The following RAB3IL1 variants were observed in gnomAD, a reference collection of about 807,000 sequenced individuals.
RAB3IL1 encodes RAB3A interacting protein like 1.
Under a neutral mutation model 49.2 loss-of-function variants are expected in RAB3IL1, and 37 were observed. The observed-to-expected ratio is 0.75, with a 90% CI of 0.58 to 0.99. RAB3IL1 has a LOEUF of 0.99. Ranked by LOEUF, RAB3IL1 falls within the 50% of genes least tolerant of loss-of-function variation. The probability of loss-of-function intolerance (pLI) is 0.00; values close to 1 mark genes in which losing one functional copy is unlikely to be tolerated. For missense variants in RAB3IL1, 484 were observed against 513.0 expected (o/e 0.94, Z 0.55); for synonymous variants, 193 against 213.9 (o/e 0.90, Z 0.85).
At chr11:61,900,794 A>G (rs1369092021) in intron 8 of RAB3IL1, among the ~76,000 whole-genome samples, 1 of 152,224 alleles carries the variant, frequency 6.6e-6, no homozygotes, top group African/African-American at 2.4e-5. Flanking sequence ...CCAGTGCAGC[A>G]GGACACCCAG....
At chr11:61,939,128 T>C in the RAB3IL1 span, among the ~76,000 whole-genome samples, 1 of 151,848 alleles carries the variant, frequency 6.6e-6, no homozygotes, top group African/African-American at 2.4e-5. Flanking sequence ...ATAGACCATA[T>C]GTTAGACCAC....
At chr11:61,903,076 C>A (rs953490767) in intron 7 of RAB3IL1, among the ~76,000 whole-genome samples, 1 of 152,094 alleles carries the variant, frequency 6.6e-6, no homozygotes, top group Non-Finnish European at 1.5e-5. Flanking sequence ...TCCTGCATGA[C>A]GTCGCTCAGC....
rs755189514 is a variant in RAB3IL1, at chr11:61,898,252, G to A, written c.*26C>T. ...GGGTGGGTGTTTGCTCTGTCTCAGA[G>A]CTCCCCTTCAGGCCTGGGCCGCGCC... On this transcript the variant is annotated 3_prime_UTR_variant, in exon 10 of 10. Transcript: ENST00000394836. This position sits in a 1 kb window ranked among gnomAD's most constrained non-coding sequence, Gnocchi z 5.1. 2 of 1,604,800 alleles carry A rather than the reference G, an allele frequency of 1.2e-6. No homozygotes were observed. Among genetic ancestry groups the A allele is most frequent in the Non-Finnish European group, 1.7e-6 (2 of 1,175,228 alleles).
chr11:61,913,524 A>G (rs1185208027), intron 1 of RAB3IL1, among the ~76,000 whole-genome samples: 1 of 152,148 alleles, frequency 6.6e-6, no homozygotes, highest in Non-Finnish European at 1.5e-5. Context: ...GCCCCAGGCC[A>G]CCAGGCCAGT....
At chr11:61,932,746 C>T in the RAB3IL1 span, among the ~76,000 whole-genome samples, 2 of 150,222 alleles carry the variant, frequency 1.3e-5, no homozygotes, top group African/African-American at 4.9e-5. Context: ...CAAGACTTAC[C>T]TTATTTTATG....
At chr11:61,923,773 A>AGC (rs978326426), upstream of RAB3IL1, among the ~76,000 whole-genome samples, 2 of 152,152 alleles carry the variant, frequency 1.3e-5, no homozygotes, top group African/African-American at 2.4e-5. Flanking sequence ...GTGTTTGGAC[A>AGC]GCGCGGATGG....
At chr11:61,932,728 A>G in the RAB3IL1 span, among the ~76,000 whole-genome samples, 1 of 151,546 alleles carries the variant, frequency 6.6e-6, no homozygotes, top group Non-Finnish European at 1.5e-5. Flanking sequence ...TTAACTCAAC[A>G]TTATATCCAA....
chr11:61,929,342 T>C, the RAB3IL1 span, among the ~76,000 whole-genome samples: 2 of 151,906 alleles, frequency 1.3e-5, no homozygotes, highest in Non-Finnish European at 2.9e-5. Context: ...CTGTCTCTGC[T>C]ACAAACACAA....
At chr11:61,902,566 G>C (rs760432020) in intron 7 of RAB3IL1, 25 bp from the exon 8 acceptor site, 4 of 1,568,778 alleles carry the variant, frequency 2.5e-6, no homozygotes. Context: ...AATGGGTCAC[G>C]GGGGCTGGCT....
Position 61,906,905 on chromosome 11 carries a change from CT to C in RAB3IL1, c.439-222del, listed in dbSNP as rs1939221465. On this transcript the variant is annotated intron_variant, in intron 4 of 9. Transcript: ENST00000394836. The surrounding 1 kb of genome is among the most constrained non-coding windows in gnomAD (Gnocchi z 4.6). ...GCGACATGGCCTGCCCAAGGTCACT[CT>C]GTGAGCAGGATTCTGTTAGGAACAA... 6.6e-6 allele frequency among the ~76,000 whole-genome samples: 1 copy of C among 152,228 alleles called. No homozygotes were observed. The highest frequency in any genetic ancestry group is 1.5e-5 in the Non-Finnish European group (1 of 68,038).
intron 1 of RAB3IL1, among the ~76,000 whole-genome samples, chr11:61,913,755 C>G (rs1225264441): frequency 6.6e-6 from 1 of 152,226 alleles, no homozygotes; most frequent in Non-Finnish European, 1.5e-5. Context: ...AGGCACCCCA[C>G]CAGCCATGAT....
chr11:61,928,814 T>C, the RAB3IL1 span, among the ~76,000 whole-genome samples: 1,594 of 152,330 alleles, frequency 0.01, 34 homozygotes, highest in African/African-American at 0.036. Context: ...TATCAAGCAG[T>C]GAGCTCACAA....
Position 61,906,587 on chromosome 11 carries a change from C to A in RAB3IL1, c.536G>T (p.Ser179Ile), listed in dbSNP as rs780299515. 1 of 1,608,558 alleles carries A rather than the reference C, an allele frequency of 6.2e-7. No homozygotes were observed. Among genetic ancestry groups the A allele is most frequent in the Non-Finnish European group, 8.5e-7 (1 of 1,177,866 alleles). Residue 179 changes from serine to isoleucine, a missense_variant, in exon 5 of 10, where the codon AGC becomes ATC. By Grantham distance (142) the Ser-to-Ile change is moderately radical. Transcript: ENST00000394836. The surrounding 1 kb of genome is among the most constrained non-coding windows in gnomAD (Gnocchi z 4.6). ...CTTTCGGGGCCCGGCCTTGGTGGGGCTCAGCAGCTGGGGGTGAAGCTCGCG... is the reference window on the plus strand; with the variant it reads ...CTTTCGGGGCCCGGCCTTGGTGGGGATCAGCAGCTGGGGGTGAAGCTCGCG... Reference protein sequence around the residue: ...PNRELHPQLLSPTKAGPRKGH... With the variant: ...PNRELHPQLLIPTKAGPRKGH...
the RAB3IL1 span, among the ~76,000 whole-genome samples, chr11:61,944,993 A>C: frequency 6.6e-6 from 1 of 152,044 alleles, no homozygotes; most frequent in African/African-American, 2.4e-5. Context: ...GAGCCACCAC[A>C]CCTGGCCTGG....
rs1939301353 is a variant in RAB3IL1, at chr11:61,908,216, C to T, written c.102G>A (p.Glu34=). Residue 34 remains glutamate (E), a synonymous_variant, in exon 2 of 10, where the codon GAG becomes GAA. Transcript: ENST00000394836. ...KSTDPCQGHR[E]SPGALVETSA... ...AGGTCTCCACCAGGGCTCCTGGGGA[C>T]TCCCTGTGGCCTTGGCAGGGGTCCG... 2 of 1,541,370 alleles carry T rather than the reference C, an allele frequency of 1.3e-6. No individual in the cohort carries two copies. Among genetic ancestry groups the T allele is most frequent in the Non-Finnish European group, 8.7e-7 (1 of 1,143,058 alleles).
In RAB3IL1 at chr11:61,902,588, C is replaced by T. The variant is rs1460465923; in HGVS notation, c.900-47G>A. 1.3e-5 allele frequency: 19 copies of T among 1,495,222 alleles called. 1 individual carries two copies. The highest frequency in any genetic ancestry group is 1.7e-4 in the Middle Eastern group (1 of 5,804). 92.6% of individuals were successfully genotyped at this position (1,495,222 alleles called of 1,614,324 possible). A position where few individuals can be genotyped will look rare whatever the true frequency, so the allele number is the denominator to read the frequency against. On this transcript the variant is annotated intron_variant, in intron 7 of 9. Coordinates refer to ENST00000394836, the MANE Select transcript of RAB3IL1 (RefSeq NM_013401.4). ...CACGGGGGCTGGCTGGGGCTTGCCC[C>T]TCTCCCTCACCCCTGCATACAGGGA...
the RAB3IL1 span, among the ~76,000 whole-genome samples, chr11:61,938,862 G>A: frequency 6.6e-6 from 1 of 151,912 alleles, no homozygotes; most frequent in Non-Finnish European, 1.5e-5. Context: ...GGAGGTGGAG[G>A]TTGCGGTGAG....
intron 5 of RAB3IL1, 119 bp from the exon 6 acceptor site, chr11:61,905,001 G>C: frequency 1.3e-6 from 1 of 750,648 alleles, no homozygotes; most frequent in Non-Finnish European, 2.2e-6. Flanking sequence ...AAGCCAGCAG[G>C]TCGATCCCCA....
In RAB3IL1 at chr11:61,902,445, G is replaced by T; in HGVS notation, c.996C>A (p.Ala332=). 6.3e-7 allele frequency: 1 copy of T among 1,587,804 alleles called. No homozygotes were observed. The highest frequency in any genetic ancestry group is 8.6e-7 in the Non-Finnish European group (1 of 1,168,834). Residue 332 remains alanine, a synonymous_variant, in exon 8 of 10, where the codon GCC becomes GCA. Transcript: ENST00000394836. ...ACGCTTGCAAAGGCTGACTCACCCT[G>T]GCCCGGGAAGATGGCGAGATGTAGT... ...SHYYISPSSR[A]RITAVCNFFT...
Sources: gnomAD v4.1 joint callset for allele counts (sites outside exome capture counted in the v4.1 genomes callset) on GRCh38, gnomAD v4.1.1 for gene constraint, Gnocchi (gnomAD v3.1) non-coding constraint, MANE v1.5 for transcripts, NCBI Gene and HGNC (gene_info 2026-07-23, HGNC 2026-07-21) for gene names.